ANO10: variants seen among roughly 807,000 people sequenced by gnomAD.
The protein encoded by ANO10 is anoctamin-10.
In ANO10, 77 loss-of-function variants were observed where a neutral mutation model predicts 74.7. That is an observed-to-expected ratio of 1.03 (90% CI 0.86 to 1.25). ANO10 has a LOEUF of 1.25. ANO10 is among the 50% of genes most tolerant of loss of function. The pLI, the probability that ANO10 is intolerant of heterozygous loss-of-function variation, is 0.00. For synonymous variants in ANO10, 279 were observed against 284.9 expected (o/e 0.98, Z 0.21); for missense variants, 721 against 778.1 (o/e 0.93, Z 0.87).
intron 1 of ANO10, among the ~76,000 whole-genome samples, chr3:43,654,358 C>T (rs2083822942): frequency 6.6e-6 from 1 of 152,112 alleles, no homozygotes; most frequent in African/African-American, 2.4e-5. Flanking sequence ...CTCAGACAGA[C>T]ACTATAGTTT....
intron 11 of ANO10, among the ~76,000 whole-genome samples, chr3:43,522,506 G>A (rs1469945251): frequency 6.6e-6 from 1 of 152,184 alleles, no homozygotes; most frequent in East Asian, 1.9e-4. Flanking sequence ...CAAACCAAGA[G>A]CTTCATACAA....
chr3:43,580,650 C>T (rs1220935842), intron 4 of ANO10, among the ~76,000 whole-genome samples, 178 bp from the exon 5 acceptor site: 1 of 152,090 alleles, frequency 6.6e-6, no homozygotes, highest in African/African-American at 2.4e-5. Flanking sequence ...CTTTACTATT[C>T]TCTTTGACTA....
intron 11 of ANO10, among the ~76,000 whole-genome samples, chr3:43,520,359 G>A (rs1003536807): frequency 2.0e-5 from 3 of 152,132 alleles, no homozygotes; most frequent in Admixed American, 1.3e-4. Flanking sequence ...CCAAGATTAA[G>A]GTGCTGGCAA....
chr3:43,488,653 TA>T (rs2076596078), intron 11 of ANO10, among the ~76,000 whole-genome samples: 1 of 149,714 alleles, frequency 6.7e-6, no homozygotes, highest in Non-Finnish European at 1.5e-5. Context: ...TGGCAATCAT[TA>T]AAAAGTCAGG....
intron 12 of ANO10, among the ~76,000 whole-genome samples, chr3:43,398,151 T>C (rs2092416038): frequency 6.6e-6 from 1 of 152,200 alleles, no homozygotes; most frequent in East Asian, 1.9e-4. Flanking sequence ...GTCTCCCATA[T>C]AATAAGGTAT....
At chr3:43,467,990 T>C (rs1232137151) in intron 11 of ANO10, among the ~76,000 whole-genome samples, 2 of 152,206 alleles carry the variant, frequency 1.3e-5, no homozygotes, top group East Asian at 1.9e-4. Context: ...ATGGAGTTCT[T>C]AGCATTGAGC....
At chr3:43,642,043 C>T (rs1015561022) in intron 1 of ANO10, among the ~76,000 whole-genome samples, 31 of 152,252 alleles carry the variant, frequency 2.0e-4, no homozygotes, top group African/African-American at 7.5e-4. Context: ...GGACATTCTC[C>T]TTACTGGTGA....
intron 12 of ANO10, among the ~76,000 whole-genome samples, chr3:43,421,861 T>C (rs1201640353): frequency 6.6e-6 from 1 of 151,862 alleles, no homozygotes; most frequent in African/African-American, 2.4e-5. Flanking sequence ...TTTTTTATTG[T>C]GGTAAAATAC....
intron 8 of ANO10, among the ~76,000 whole-genome samples, chr3:43,563,091 T>C (rs1005085940): frequency 1.3e-5 from 2 of 152,142 alleles, no homozygotes; most frequent in Admixed American, 6.6e-5. Context: ...ATACCTAGAA[T>C]ACCAGAATAT....
intron 12 of ANO10, among the ~76,000 whole-genome samples, chr3:43,376,079 G>A (rs2091795776): frequency 6.6e-6 from 1 of 152,216 alleles, no homozygotes; most frequent in African/African-American, 2.4e-5. Context: ...CCAACTGGCT[G>A]GTGATGGAGA....
intron 1 of ANO10, among the ~76,000 whole-genome samples, chr3:43,657,020 T>C (rs531289018): frequency 6.6e-6 from 1 of 152,380 alleles, no homozygotes; most frequent in East Asian, 1.9e-4. Context: ...CAGTGTTTTC[T>C]TGTGAACAAA....
At chr3:43,667,119 C>T (rs535279534) in intron 1 of ANO10, among the ~76,000 whole-genome samples, 49 of 108,496 alleles carry the variant, frequency 4.5e-4, no homozygotes, top group African/African-American at 1.7e-3. Flanking sequence ...GAGACAGAGT[C>T]TCGCTCTGTC....
rs1277560249 is a variant in ANO10 at position 43,366,816 on chromosome 3, G to A, written c.*90C>T. On this transcript the variant is annotated 3_prime_UTR_variant, in exon 13 of 13. Coordinates refer to ENST00000292246, the MANE Select transcript of ANO10 (RefSeq NM_018075.5). The stretch of plus-strand genomic sequence containing the variant: ...CATTGGGTCTGGGTTCAGGAGCCAC[G>A]ATGCTGCCCCGGGTACCCCCCCTGC... 1.5e-6 allele frequency: 2 copies of A among 1,346,778 alleles called. No homozygotes were observed. Among genetic ancestry groups the A allele is most frequent in the Non-Finnish European group, 2.1e-6 (2 of 963,354 alleles). The allele number at this position is 1,346,778 out of a possible 1,614,324, so 83.4% of individuals were successfully genotyped here. A position where few individuals can be genotyped will look rare whatever the true frequency, so the allele number is the denominator to read the frequency against.
At chr3:43,426,471 C>G (rs1474916840) in intron 12 of ANO10, among the ~76,000 whole-genome samples, 1 of 152,188 alleles carries the variant, frequency 6.6e-6, no homozygotes, top group Admixed American at 6.5e-5. Context: ...GTAGTGTCTC[C>G]TTAAAGTCCT....
intron 9 of ANO10, 82 bp from the exon 10 acceptor site, chr3:43,555,551 TCTAA>T: frequency 1.4e-6 from 2 of 1,397,250 alleles, no homozygotes; most frequent in Non-Finnish European, 2.0e-6. Context: ...AGCTGTGGCC[TCTAA>T]CTATTCAAAA....
At chr3:43,473,263 T>C (rs2075935608) in intron 11 of ANO10, among the ~76,000 whole-genome samples, 1 of 152,304 alleles carries the variant, frequency 6.6e-6, no homozygotes, top group Non-Finnish European at 1.5e-5. Flanking sequence ...GTGCCCAGTA[T>C]TGGATCTCTC....
intron 1 of ANO10, chr3:43,691,134 G>A (rs1374980835): frequency 5.0e-5 from 62 of 1,248,714 alleles, no homozygotes; most frequent in Non-Finnish European, 6.2e-5. Flanking sequence ...AGGAGTCGCC[G>A]CCCGCCTGGC....
intron 8 of ANO10, among the ~76,000 whole-genome samples, chr3:43,564,983 C>A (rs2080240613): frequency 6.6e-6 from 1 of 152,102 alleles, no homozygotes; most frequent in Non-Finnish European, 1.5e-5. Flanking sequence ...CTCATCAATT[C>A]CAAATGTACT....
At chr3:43,374,407 GATTTTAAAGAAAAAAC>G (rs1220570975) in intron 12 of ANO10, among the ~76,000 whole-genome samples, 5 of 152,132 alleles carry the variant, frequency 3.3e-5, no homozygotes, top group Non-Finnish European at 5.9e-5. Flanking sequence ...ATACCATTAT[GATTTTAAAGAAAAAAC>G]AGAGGCACAT....
Sources: allele counts gnomAD v4.1 joint callset (sites outside exome capture counted in the v4.1 genomes callset), GRCh38; gene constraint gnomAD v4.1.1; transcripts MANE v1.5; gene names NCBI Gene and HGNC (gene_info 2026-07-23, HGNC 2026-07-21).